RSRC1: variants seen among roughly 807,000 people sequenced by gnomAD.
RSRC1 encodes the protein arginine and serine rich coiled-coil 1, also known as serine/Arginine-related protein 53.
Under a neutral mutation model 49.1 loss-of-function variants are expected in RSRC1, and 39 were observed. The ratio of observed to expected loss-of-function variants is 0.79; its 90% CI spans 0.61 to 1.04. The LOEUF (loss-of-function observed/expected upper bound fraction) is 1.04, where lower values mean the gene tolerates loss of function less well. RSRC1 is among the 50% of genes least tolerant of loss of function. RSRC1 has a pLI of 0.00. For missense variants in RSRC1, 388 were observed against 402.4 expected, an observed-to-expected ratio of 0.96 and a Z score of 0.31; for synonymous variants, 143 against 130.8, an observed-to-expected ratio of 1.09 and a Z score of -0.63.
chr3:158,235,195 T>C (rs1723174424), intron 4 of RSRC1, among the ~76,000 whole-genome samples: 1 of 151,818 alleles, frequency 6.6e-6, no homozygotes, highest in Non-Finnish European at 1.5e-5. Context: ...TTTAAACTAA[T>C]GAACTCATTA....
intron 6 of RSRC1, among the ~76,000 whole-genome samples, chr3:158,434,971 G>T (rs1735970468): frequency 6.6e-6 from 1 of 151,854 alleles, no homozygotes; most frequent in African/African-American, 2.4e-5. Flanking sequence ...TTAGATTGAA[G>T]ACTGTACAAA....
chr3:158,372,209 T>G (rs1323405233), intron 6 of RSRC1, among the ~76,000 whole-genome samples: 1 of 151,826 alleles, frequency 6.6e-6, no homozygotes, highest in Admixed American at 6.6e-5. Context: ...ATGTATTGTG[T>G]TTTTAGTGAC....
intron 3 of RSRC1, among the ~76,000 whole-genome samples, chr3:158,169,095 A>C (rs542542482): frequency 6.6e-6 from 1 of 152,244 alleles, no homozygotes; most frequent in South Asian, 2.1e-4. Flanking sequence ...CCCTAATATC[A>C]GCGTGATGCT....
At chr3:158,187,082 GT>G (rs1343125028) in intron 3 of RSRC1, among the ~76,000 whole-genome samples, 1 of 151,908 alleles carries the variant, frequency 6.6e-6, no homozygotes, top group African/African-American at 2.4e-5. Context: ...TTAGATTTCA[GT>G]TTTATCACTC....
At chr3:158,179,337 G>C (rs1030328821) in intron 3 of RSRC1, among the ~76,000 whole-genome samples, 2 of 152,166 alleles carry the variant, frequency 1.3e-5, no homozygotes, top group Non-Finnish European at 2.9e-5. Flanking sequence ...AGCTAAGATA[G>C]AGAGTATTAC....
At chr3:158,311,621 A>G (rs1008639443) in intron 5 of RSRC1, among the ~76,000 whole-genome samples, 7 of 151,990 alleles carry the variant, frequency 4.6e-5, no homozygotes, top group African/African-American at 1.7e-4. Context: ...CCCAGGATGA[A>G]CAAATTCTGG....
chr3:158,445,413 C>A (rs1175262458), intron 6 of RSRC1, among the ~76,000 whole-genome samples: 1 of 151,932 alleles, frequency 6.6e-6, no homozygotes, highest in East Asian at 1.9e-4. Flanking sequence ...GACAAAAAAC[C>A]AAACACCACA....
chr3:158,148,777 G>A (rs960821106), intron 3 of RSRC1, among the ~76,000 whole-genome samples: 5 of 151,664 alleles, frequency 3.3e-5, no homozygotes, highest in East Asian at 3.9e-4. Context: ...ATTTGTATAC[G>A]AATATATACT....
intron 4 of RSRC1, among the ~76,000 whole-genome samples, chr3:158,215,298 GTT>G (rs34551128): frequency 9.7e-4 from 127 of 131,208 alleles, no homozygotes; most frequent in South Asian, 4.6e-3. Flanking sequence ...CATATAGATA[GTT>G]TTTTTTTTTT....
At chr3:158,359,473 T>TG (rs1423339940) in intron 6 of RSRC1, among the ~76,000 whole-genome samples, 1 of 152,202 alleles carries the variant, frequency 6.6e-6, no homozygotes, top group Non-Finnish European at 1.5e-5. Context: ...GTTGCTTTTC[T>TG]GGCTGGAAAA....
chr3:158,534,345 C>T (rs1401011216), intron 7 of RSRC1, among the ~76,000 whole-genome samples: 4 of 151,774 alleles, frequency 2.6e-5, no homozygotes, highest in Non-Finnish European at 5.9e-5. Flanking sequence ...CAACATTAAA[C>T]CTTTCAAGGA....
At chr3:158,118,485 A>C (rs1239455715) in intron 1 of RSRC1, among the ~76,000 whole-genome samples, 1 of 96,594 alleles carries the variant, frequency 1.0e-5, no homozygotes, top group Admixed American at 1.1e-4. Flanking sequence ...GGTTTTTTTA[A>C]ATTGTCCTTT....
At chr3:158,349,056 C>T (rs1318133188) in intron 5 of RSRC1, among the ~76,000 whole-genome samples, 1 of 150,090 alleles carries the variant, frequency 6.7e-6, no homozygotes, top group Non-Finnish European at 1.5e-5. Context: ...AATCAAGTGT[C>T]TTTTTTATAG....
intron 7 of RSRC1, among the ~76,000 whole-genome samples, chr3:158,465,790 A>G (rs1015961095): frequency 6.6e-6 from 1 of 152,172 alleles, no homozygotes; most frequent in Non-Finnish European, 1.5e-5. Flanking sequence ...CTATTAATAT[A>G]TCTGTCATAA....
chr3:158,427,194 A>T lies in RSRC1; in HGVS notation c.584-33741A>T, dbSNP rs1578464769. Among the ~76,000 whole-genome samples the T allele has an allele frequency of 2.6e-5, 4 of 151,584 alleles. No homozygotes were observed. The East Asian group carries it at 7.8e-4, about 30-fold the overall frequency. ...ATAATAAATGATAGCCAACCAACCA[A>T]AAAAAAAGGAAAGGAGGCTAGACTG... On this transcript the variant is annotated intron_variant, in intron 6 of 9. Transcript: ENST00000611884.
At chr3:158,333,024 A>G (rs1277778631) in intron 5 of RSRC1, among the ~76,000 whole-genome samples, 6 of 148,552 alleles carry the variant, frequency 4.0e-5, no homozygotes, top group Non-Finnish European at 5.9e-5. Context: ...GCCGGACTGC[A>G]GTGGCGCTAT....
chr3:158,174,842 A>G (rs1299229551), intron 3 of RSRC1, among the ~76,000 whole-genome samples: 1 of 152,066 alleles, frequency 6.6e-6, no homozygotes, highest in African/African-American at 2.4e-5. Flanking sequence ...TTGCCTGTGC[A>G]TTCATTTCTT....
intron 6 of RSRC1, among the ~76,000 whole-genome samples, chr3:158,414,522 G>A (rs1158975679): frequency 6.6e-6 from 1 of 152,052 alleles, no homozygotes; most frequent in Non-Finnish European, 1.5e-5. Flanking sequence ...TAACAAACCT[G>A]CACATCCAGC....
chr3:158,333,473 T>A (rs1363482968), intron 5 of RSRC1, among the ~76,000 whole-genome samples: 1 of 152,244 alleles, frequency 6.6e-6, no homozygotes. Flanking sequence ...ACATTTATAG[T>A]AGCATGAAAT....
Sources: gnomAD v4.1 joint callset for allele counts (sites outside exome capture counted in the v4.1 genomes callset) on GRCh38, gnomAD v4.1.1 for gene constraint, MANE v1.5 for transcripts, NCBI Gene and HGNC (gene_info 2026-07-23, HGNC 2026-07-21) for gene names.